The following ATG7 variants were observed in gnomAD, a reference collection of about 807,000 sequenced individuals.
ATG7 encodes the protein ubiquitin-like modifier-activating enzyme ATG7.
Under a neutral mutation model 82.4 loss-of-function variants are expected in ATG7, and 70 were observed. The observed-to-expected ratio is 0.85, with a 90% CI of 0.70 to 1.04. The LOEUF is 1.04. Among genes scored for constraint, ATG7 ranks in the 50% least tolerant of loss-of-function variants. The probability of loss-of-function intolerance (pLI) is 0.00; values close to 1 mark genes in which losing one functional copy is unlikely to be tolerated. For missense variants in ATG7, 792 were observed against 864.3 expected (o/e 0.92, Z 1.05); for synonymous variants, 287 against 313.0 (o/e 0.92, Z 0.88).
intron 18 of ATG7, among the ~76,000 whole-genome samples, chr3:11,368,286 T>G (rs983708692): frequency 2.6e-5 from 4 of 151,814 alleles, no homozygotes; most frequent in African/African-American, 9.7e-5. Flanking sequence ...ACACTGCTTT[T>G]TCCCTCCCGG....
intron 20 of ATG7, among the ~76,000 whole-genome samples, chr3:11,474,852 G>T (rs1021504227): frequency 6.6e-6 from 1 of 152,062 alleles, no homozygotes; most frequent in Non-Finnish European, 1.5e-5. Flanking sequence ...AGCATGCTCA[G>T]TCTAAGGATG....
chr3:11,350,472 C>T (rs1460154745), intron 14 of ATG7, among the ~76,000 whole-genome samples: 3 of 152,144 alleles, frequency 2.0e-5, no homozygotes, highest in East Asian at 1.9e-4. Context: ...CACATAACTT[C>T]GAGTCAGGTT....
At chr3:11,380,145 T>A in intron 19 of ATG7, 93 bp downstream of exon 19, 1 of 1,199,294 alleles carries the variant, frequency 8.3e-7, no homozygotes, top group Non-Finnish European at 1.2e-6. Flanking sequence ...TGAAACCAAC[T>A]AAGGGCTTTT....
chr3:11,472,861 A>T (rs987669766), intron 20 of ATG7, among the ~76,000 whole-genome samples: 3 of 152,196 alleles, frequency 2.0e-5, no homozygotes, highest in African/African-American at 7.2e-5. Flanking sequence ...GTTTTTCATG[A>T]AATCTTATTT....
chr3:11,298,946 C>G (rs1256281983), intron 4 of ATG7, 91 bp downstream of exon 4: 1 of 1,417,752 alleles, frequency 7.1e-7, no homozygotes, highest in Non-Finnish European at 9.7e-7. Context: ...AAGAGACAGC[C>G]TTGTCTTTTA....
At position 11,340,686 on chromosome 3, in the gene ATG7, G is replaced by A. The variant is rs768083650; in HGVS notation, c.931G>A (p.Gly311Ser). ...AVGWEKNQKG[G>S]MGPRMVNLSE... is the part of the protein sequence containing the mutation. ...TGGATGGGAAAAGAACCAGAAAGGA[G>A]GCATGGGACCAAGGATGGTGAACCT... Residue 311 changes from glycine to serine, a missense_variant, in exon 12 of 21, where the codon GGC becomes AGC. Physicochemically the swap from Gly to Ser is moderately conservative, Grantham distance 56 (BLOSUM62 0). Coordinates refer to ENST00000693202, the MANE Select transcript of ATG7 (RefSeq NM_001349232.2). 8 of 1,613,886 alleles carry A rather than the reference G, an allele frequency of 5.0e-6. No homozygotes were observed. Among genetic ancestry groups the A allele is most frequent in the Non-Finnish European group, 6.8e-6 (8 of 1,179,894 alleles).
chr3:11,519,840 C>A (rs895349409), intron 20 of ATG7, among the ~76,000 whole-genome samples: 13 of 151,998 alleles, frequency 8.6e-5, no homozygotes, highest in Admixed American at 3.9e-4. Context: ...GGATTACAGG[C>A]GTGAGCCACC....
At chr3:11,398,126 T>C (rs1286674707) in intron 19 of ATG7, among the ~76,000 whole-genome samples, 1 of 151,118 alleles carries the variant, frequency 6.6e-6, no homozygotes, top group Non-Finnish European at 1.5e-5. Context: ...TTCTCAGTAA[T>C]TGATGAAAAA....
rs1217900152 is a variant in ATG7 at position 11,555,893 on chromosome 3, A to C, written c.*1050A>C. The C allele has an allele frequency of 2.0e-5, 3 of 152,302 alleles. No homozygotes were observed. The highest frequency in any genetic ancestry group is 4.4e-5 in the Non-Finnish European group (3 of 68,018). The allele number at this position is 152,302 out of a possible 1,614,324, so 9.4% of individuals were successfully genotyped here. On this transcript the variant is annotated 3_prime_UTR_variant, in exon 21 of 21. Transcript: ENST00000693202. ...ATTGAGTCGAGCTGACCCTTACAACAGTAGGATTTAGTAGGGTAGATTTCA... is the reference window on the plus strand; with the variant it reads ...ATTGAGTCGAGCTGACCCTTACAACCGTAGGATTTAGTAGGGTAGATTTCA...
At chr3:11,461,147 A>C (rs546529275) in intron 20 of ATG7, among the ~76,000 whole-genome samples, 1 of 152,338 alleles carries the variant, frequency 6.6e-6, no homozygotes, top group South Asian at 2.1e-4. Context: ...AGCCATGGAT[A>C]TAGGGTGTCA....
At chr3:11,473,547 A>G (rs2153019829) in intron 20 of ATG7, among the ~76,000 whole-genome samples, 1 of 152,328 alleles carries the variant, frequency 6.6e-6, no homozygotes, top group Admixed American at 6.5e-5. Flanking sequence ...TTCTCCAAGA[A>G]TAAGGCTAGA....
intron 20 of ATG7, among the ~76,000 whole-genome samples, chr3:11,493,861 A>G (rs1035572707): frequency 1.3e-5 from 2 of 152,120 alleles, no homozygotes; most frequent in Non-Finnish European, 2.9e-5. Flanking sequence ...AATGGAGAGA[A>G]CCCATGCCTA....
intron 20 of ATG7, among the ~76,000 whole-genome samples, chr3:11,473,886 G>A (rs187098686): frequency 2.0e-5 from 3 of 152,270 alleles, no homozygotes; most frequent in East Asian, 3.9e-4. Flanking sequence ...AAACATCAGC[G>A]AGCCCTCAAT....
intron 20 of ATG7, among the ~76,000 whole-genome samples, chr3:11,535,432 G>C (rs141020269): frequency 4.6e-5 from 7 of 152,164 alleles, no homozygotes; most frequent in Admixed American, 3.9e-4. Context: ...CTTCTGCGTC[G>C]GCCCTCCCTG....
chr3:11,573,356 AAAGAAAG>A, the ATG7 span, among the ~76,000 whole-genome samples: 1 of 99,716 alleles, frequency 1.0e-5, no homozygotes, highest in South Asian at 2.8e-4. Flanking sequence ...AGAAAGAAAG[AAAGAAAG>A]AAAGAAAGAA....
intron 20 of ATG7, among the ~76,000 whole-genome samples, chr3:11,542,918 T>C (rs139642990): frequency 6.6e-6 from 1 of 152,284 alleles, no homozygotes; most frequent in African/African-American, 2.4e-5. Flanking sequence ...TCCTTGTCAG[T>C]TGCAGCCCTG....
At chr3:11,564,682 C>T in the ATG7 span, 7 of 1,314,506 alleles carry the variant, frequency 5.3e-6, no homozygotes, top group South Asian at 6.5e-5. Flanking sequence ...ACCTCCCTCC[C>T]TCACCACCTC....
intron 3 of ATG7, among the ~76,000 whole-genome samples, chr3:11,284,807 C>T (rs1427026905): frequency 6.7e-6 from 1 of 150,316 alleles, no homozygotes. Flanking sequence ...GCTTTGGCCT[C>T]CCAAAGTGCT....
chr3:11,431,458 TCA>T (rs1349169758), intron 20 of ATG7, among the ~76,000 whole-genome samples: 2 of 152,208 alleles, frequency 1.3e-5, no homozygotes, highest in African/African-American at 4.8e-5. Flanking sequence ...TTTAGTATAT[TCA>T]CAGAGTTGTG....
Sources: allele counts gnomAD v4.1 joint callset (sites outside exome capture counted in the v4.1 genomes callset), GRCh38; gene constraint gnomAD v4.1.1; transcripts MANE v1.5; gene names NCBI Gene and HGNC (gene_info 2026-07-23, HGNC 2026-07-21).